Variants in ME3 observed in about 807,000 individuals in gnomAD.
ME3 encodes NADP-dependent malic enzyme, mitochondrial.
In ME3, 48 loss-of-function variants were observed where a neutral mutation model predicts 68.9. That is an observed-to-expected ratio of 0.70 (90% confidence interval 0.55 to 0.89). The LOEUF is 0.89. Among genes scored for constraint, ME3 ranks in the 40% least tolerant of loss-of-function variants. The probability of loss-of-function intolerance (pLI) is 0.00; values close to 1 mark genes in which losing one functional copy is unlikely to be tolerated. For synonymous variants in ME3, 320 were observed against 318.8 expected, an observed-to-expected ratio of 1.00 and a Z score of -0.04; for missense variants, 675 against 797.4, an observed-to-expected ratio of 0.85 and a Z score of 1.85.
intron 2 of ME3, among the ~76,000 whole-genome samples, chr11:86,647,561 T>C (rs981524290): frequency 4.7e-5 from 7 of 149,834 alleles, no homozygotes; most frequent in Admixed American, 4.0e-4. Flanking sequence ...TGGAGGAAGA[T>C]TTACCAAGCA....
intron 11 of ME3, 76 bp downstream of exon 11, chr11:86,448,074 G>A (rs1949422185): frequency 9.6e-7 from 1 of 1,042,146 alleles, no homozygotes; most frequent in Non-Finnish European, 1.5e-6. Flanking sequence ...AGGCTTCCTA[G>A]CTGAGCCTCT....
chr11:86,635,905 A>G (rs974249839), intron 2 of ME3, among the ~76,000 whole-genome samples: 2 of 152,214 alleles, frequency 1.3e-5, no homozygotes, highest in Non-Finnish European at 2.9e-5. Flanking sequence ...GTCTGGTCAA[A>G]TGGCAGAGCC....
chr11:86,525,589 G>A (rs1251966672), intron 4 of ME3, among the ~76,000 whole-genome samples: 8 of 152,076 alleles, frequency 5.3e-5, no homozygotes, highest in Admixed American at 5.2e-4. Flanking sequence ...GAGGCCGGGT[G>A]CAGTGGCTCA....
intron 4 of ME3, among the ~76,000 whole-genome samples, chr11:86,523,164 T>C (rs1954452194): frequency 6.6e-6 from 1 of 152,214 alleles, no homozygotes; most frequent in Non-Finnish European, 1.5e-5. Flanking sequence ...ATTGCCTTAG[T>C]TGCCATATGT....
Position 86,591,338 on chromosome 11 carries a change from C to T in ME3, c.184-31515G>A, listed in dbSNP as rs556045289. Among the ~76,000 whole-genome samples, 22 of 152,276 alleles carry T rather than the reference C, an allele frequency of 1.4e-4. No individual in the cohort carries two copies. The South Asian group carries it at 2.1e-3, about 14-fold the overall frequency. ...TGAGATGAAGTGCTTGCCCCTAGTA[C>T]CTCACAATATGATTGTATTTAAAGA... On this transcript the variant is annotated intron_variant, in intron 2 of 14. Coordinates refer to ENST00000543262, the Ensembl canonical transcript of ME3.
rs143733613 is a variant in ME3 at position 86,657,091 on chromosome 11, C to T, written c.183+14671G>A. 8.8e-3 allele frequency among the ~76,000 whole-genome samples: 1,337 copies of T among 152,202 alleles called. 27 individuals carry two copies. The highest frequency in any genetic ancestry group is 0.03 in the African/African-American group (1,250 of 41,502). ...CTCAAGGATCTAGAATTAGAAATACCGTTTGACCCAGCAATCCCATTACTG... is the reference window on the plus strand; with the variant it reads ...CTCAAGGATCTAGAATTAGAAATACTGTTTGACCCAGCAATCCCATTACTG... On this transcript the variant is annotated intron_variant, in intron 2 of 14. Transcript: ENST00000543262.
chr11:86,642,312 C>T (rs145667368), intron 2 of ME3, among the ~76,000 whole-genome samples: 80 of 152,166 alleles, frequency 5.3e-4, no homozygotes, highest in Middle Eastern at 6.8e-3. Context: ...AATAAGAGTC[C>T]CACCCATATC....
intron 4 of ME3, among the ~76,000 whole-genome samples, chr11:86,545,382 T>G (rs1234852124): frequency 6.6e-6 from 1 of 152,204 alleles, no homozygotes; most frequent in Non-Finnish European, 1.5e-5. Context: ...TCAGATTGTC[T>G]CTGTTTGCAA....
chr11:86,446,314 C>T, exon 13 of ME3: 1 of 1,613,924 alleles, frequency 6.2e-7, no homozygotes, highest in Non-Finnish European at 8.5e-7. Context: ...ACAGTGATAC[C>T]TCTGCTGTCA....
At chr11:86,561,546 G>A (rs1456149408) in intron 2 of ME3, among the ~76,000 whole-genome samples, 1 of 152,146 alleles carries the variant, frequency 6.6e-6, no homozygotes, top group East Asian at 1.9e-4. Flanking sequence ...TGTCTCCAAT[G>A]TGAATTCATT....
At chr11:86,571,402 T>C (rs891340361) in intron 2 of ME3, among the ~76,000 whole-genome samples, 1 of 152,190 alleles carries the variant, frequency 6.6e-6, no homozygotes, top group African/African-American at 2.4e-5. Context: ...AACTAGTTTG[T>C]GGCAGCCTGC....
chr11:86,563,037 A>G (rs1006541351), intron 2 of ME3, among the ~76,000 whole-genome samples: 2 of 152,160 alleles, frequency 1.3e-5, no homozygotes, highest in Admixed American at 6.6e-5. Flanking sequence ...TCCATGGTAT[A>G]TATGTACCAC....
intron 2 of ME3, among the ~76,000 whole-genome samples, chr11:86,601,231 G>C (rs1960598209): frequency 6.6e-6 from 1 of 151,906 alleles, no homozygotes; most frequent in Non-Finnish European, 1.5e-5. Flanking sequence ...AAAAAAGAGA[G>C]AAGAATCAAA....
chr11:86,635,985 C>A (rs1233620131), intron 2 of ME3, among the ~76,000 whole-genome samples: 1 of 152,182 alleles, frequency 6.6e-6, no homozygotes, highest in East Asian at 1.9e-4. Flanking sequence ...CTTTGTTTAA[C>A]CTAGTCCCCG....
At chr11:86,559,561 G>T in intron 3 of ME3, 129 bp downstream of exon 3, 1 of 1,139,004 alleles carries the variant, frequency 8.8e-7, no homozygotes, top group Non-Finnish European at 1.2e-6. Context: ...AGGTAGGGCT[G>T]AGTCTGGGAT....
chr11:86,442,020 G>A (rs531037225), intron 14 of ME3, among the ~76,000 whole-genome samples: 7 of 152,298 alleles, frequency 4.6e-5, no homozygotes, highest in African/African-American at 1.4e-4. Flanking sequence ...GACAACTCAT[G>A]GGTGTGTGTG....
At chr11:86,555,299 G>A (rs1216027202) in intron 4 of ME3, among the ~76,000 whole-genome samples, 1 of 152,162 alleles carries the variant, frequency 6.6e-6, no homozygotes, top group African/African-American at 2.4e-5. Flanking sequence ...GAGCTGATCT[G>A]TGCAGAAAGG....
chr11:86,448,141 T>TC lies in ME3; in HGVS notation c.1237+8dup, dbSNP rs767758074. 2 of 1,595,184 alleles carry TC rather than the reference T, an allele frequency of 1.3e-6. No homozygotes were observed. Among genetic ancestry groups the TC allele is most frequent in the Non-Finnish European group, 1.7e-6 (2 of 1,162,886 alleles). ...TGGGCTGGGTAGTGGGTACCCTCCC[T>TC]CCTCCTACCTATGATGGCTGTGGGC... On this transcript the variant is annotated intron_variant, in intron 11 of 14. Coordinates refer to ENST00000543262, the Ensembl canonical transcript of ME3.
intron 2 of ME3, among the ~76,000 whole-genome samples, chr11:86,584,366 G>A (rs1001477633): frequency 6.6e-6 from 1 of 152,196 alleles, no homozygotes; most frequent in Non-Finnish European, 1.5e-5. Context: ...CACTGCTGAT[G>A]GGAGTGTAAA....
Sources: gnomAD v4.1 joint callset for allele counts (sites outside exome capture counted in the v4.1 genomes callset) on GRCh38, gnomAD v4.1.1 for gene constraint, MANE v1.5 for transcripts, NCBI Gene and HGNC (gene_info 2026-07-23, HGNC 2026-07-21) for gene names.